The following TESPA1 variants were observed in gnomAD, a reference collection of about 807,000 sequenced individuals.
TESPA1 encodes the protein protein TESPA1.
TESPA1 carries 33 observed loss-of-function variants against 57.9 expected under a neutral mutation model. The ratio of observed to expected loss-of-function variants is 0.57; its 90% CI spans 0.43 to 0.76. The LOEUF (loss-of-function observed/expected upper bound fraction) is 0.76, where lower values mean the gene tolerates loss of function less well. TESPA1 is among the 30% of genes least tolerant of loss of function. TESPA1 has a pLI of 0.00. For missense variants in TESPA1, 618 were observed against 632.9 expected, an observed-to-expected ratio of 0.98 and a Z score of 0.25; for synonymous variants, 227 against 228.9, an observed-to-expected ratio of 0.99 and a Z score of 0.07.
chr12:54,962,679 C>G lies in TESPA1; in HGVS notation c.1219G>C (p.Ala407Pro), dbSNP rs1291170084. ...CTACACAGCTCTCTCCTTATCTGAG[C>G]TGGGTCTGTGCTCCACTGTGGATCT... is the stretch of plus-strand genomic sequence containing the variant. ...IEDPQWSTDP[A>P]QIRRELCSLP... The change falls in exon 9 of 11, where the codon GCT becomes CCT. Residue 407 changes from alanine to proline, a missense_variant. Coordinates refer to ENST00000449076, the MANE Select transcript of TESPA1 (RefSeq NM_001136030.3). The G allele has an allele frequency of 7.4e-6, 12 of 1,613,802 alleles. No individual in the cohort carries two copies. Among genetic ancestry groups the G allele is most frequent in the Admixed American group, 1.7e-5 (1 of 59,998 alleles).
At chr12:54,967,955 T>G (rs1282006218) in intron 3 of TESPA1, 63 bp from the exon 4 acceptor site, 1 of 1,608,952 alleles carries the variant, frequency 6.2e-7, no homozygotes, top group South Asian at 1.1e-5. Context: ...AGCTTTTTCA[T>G]GGAAAAACTC....
At position 54,961,173 on chromosome 12, in the gene TESPA1, G is replaced by C; in HGVS notation, c.1562C>G (p.Ser521Trp). 1.2e-6 allele frequency: 2 copies of C among 1,613,896 alleles called. No homozygotes were observed. The highest frequency in any genetic ancestry group is 1.1e-5 in the South Asian group (1 of 91,064). ...HHHQTFAGKD[S>W] ...CCTGAGAGAGGCCCACTTACTTCAC[G>C]AGTCTTTGCCAGCAAAAGTCTGGTG... is the stretch of plus-strand genomic sequence containing the variant. The change falls in exon 10 of 11, where the codon TCG becomes TGG. Residue 521 changes from serine to tryptophan, a missense_variant. This residue lies in a region of TESPA1 where 409 missense variants were observed against 420.1 expected (regional missense o/e 0.97). Coordinates refer to ENST00000449076, the MANE Select transcript of TESPA1 (RefSeq NM_001136030.3).
Position 54,948,585 on chromosome 12 carries a change from T to G in TESPA1, c.*1807A>C, listed in dbSNP as rs2264358. On this transcript the variant is annotated 3_prime_UTR_variant, in exon 11 of 11. Coordinates refer to ENST00000449076, the MANE Select transcript of TESPA1 (RefSeq NM_001136030.3). ...TCCTTTGTTCCTCCTGCTCATACCA[T>G]GTAAGATGCCTGCTCCCACTTTGCT... is the stretch of plus-strand genomic sequence containing the variant. The G allele has an allele frequency of 0.57, 87,353 of 152,242 alleles. 26,605 individuals are homozygous for G. The highest frequency in any genetic ancestry group is 0.67 in the Non-Finnish European group (45,528 of 68,110). 9.4% of individuals were successfully genotyped at this position (152,242 alleles called of 1,614,324 possible). A position where few individuals can be genotyped will look rare whatever the true frequency, so the allele number is the denominator to read the frequency against.
At chr12:54,974,941 T>C (rs1013547105) in intron 1 of TESPA1, among the ~76,000 whole-genome samples, 17 of 152,370 alleles carry the variant, frequency 1.1e-4, no homozygotes, top group Middle Eastern at 3.4e-3. Context: ...ATTTTTTCTT[T>C]AATCCTTAAG....
At chr12:54,974,678 C>T in intron 1 of TESPA1, 71 bp from the exon 2 acceptor site, 1 of 1,162,066 alleles carries the variant, frequency 8.6e-7, no homozygotes, top group Non-Finnish European at 1.1e-6. Flanking sequence ...AGGGTTGCCC[C>T]CTGAATTTTC....
chr12:54,984,665 G>C lies in TESPA1; in HGVS notation c.-126C>G, dbSNP rs542256795. On this transcript the variant is annotated 5_prime_UTR_variant, in exon 1 of 11. Coordinates refer to ENST00000449076, the MANE Select transcript of TESPA1 (RefSeq NM_001136030.3). ...AGGCCTTCACAGGTGTGGGCACAGA[G>C]GTGAAGCAAGTGAGAAAGTATCATG... 4 of 152,384 alleles carry C rather than the reference G, an allele frequency of 2.6e-5. No homozygotes were observed. In the East Asian group the frequency reaches 7.7e-4, roughly 29 times the overall value. 9.4% of individuals were successfully genotyped at this position (152,384 alleles called of 1,614,324 possible). A position where few individuals can be genotyped will look rare whatever the true frequency, so the allele number is the denominator to read the frequency against.
At chr12:54,961,338 A>T (rs1471167056) in intron 9 of TESPA1, 71 bp from the exon 10 acceptor site, 2 of 1,542,060 alleles carry the variant, frequency 1.3e-6, no homozygotes, top group African/African-American at 2.7e-5. Context: ...TGCAGGTGGC[A>T]GGTAGCTGTA....
intron 5 of TESPA1, among the ~76,000 whole-genome samples, chr12:54,966,645 T>C (rs1297402876): frequency 6.6e-6 from 1 of 152,162 alleles, no homozygotes; most frequent in African/African-American, 2.4e-5. Flanking sequence ...CTTAACCCTA[T>C]GAACTTCTGA....
chr12:54,969,767 A>AT (rs1212072076), intron 3 of TESPA1, among the ~76,000 whole-genome samples: 8 of 152,170 alleles, frequency 5.3e-5, no homozygotes, highest in Non-Finnish European at 1.0e-4. Context: ...AATCCCAAAC[A>AT]TATCTATGAT....
intron 2 of TESPA1, among the ~76,000 whole-genome samples, chr12:54,974,161 C>T (rs1952018432): frequency 6.6e-6 from 1 of 152,234 alleles, no homozygotes; most frequent in Admixed American, 6.5e-5. Flanking sequence ...ACAGAAGCTT[C>T]TCAGGATGAT....
intron 10 of TESPA1, among the ~76,000 whole-genome samples, chr12:54,957,808 AT>A (rs1487743569): frequency 6.6e-6 from 1 of 152,224 alleles, no homozygotes; most frequent in Non-Finnish European, 1.5e-5. Flanking sequence ...ATCATAAACC[AT>A]TTTTTGTAAG....
At chr12:54,961,417 G>A (rs1003599746) in intron 9 of TESPA1, 150 bp from the exon 10 acceptor site, 1 of 766,884 alleles carries the variant, frequency 1.3e-6, no homozygotes, top group South Asian at 1.7e-5. Context: ...TAATGAGGAA[G>A]GCAGGAGCGG....
chr12:54,969,046 T>TATATATATATATATATATATATAC lies in TESPA1; in HGVS notation c.207-1155_207-1154insGTATATATATATATATATATATAT, dbSNP rs71070858. Among the ~76,000 whole-genome samples, 467 of 124,172 alleles carry TATATATATATATATATATATATAC rather than the reference T, an allele frequency of 3.8e-3. 21 individuals are homozygous for TATATATATATATATATATATATAC. Among genetic ancestry groups the TATATATATATATATATATATATAC allele is most frequent in the East Asian group, 0.017 (37 of 2,166 alleles). 81.5% of individuals were successfully genotyped at this position (124,172 alleles called of 152,430 possible). Reference sequence around the variant, plus strand: ...GTATATATATATATATATATATATATGTGTGTGTGTAGATAGATAGATATA... The same window carrying TATATATATATATATATATATATAC: ...GTATATATATATATATATATATATATATATATATATATATATATATATACGTGTGTGTGTAGATAGATAGATATA... On this transcript the variant is annotated intron_variant, in intron 3 of 10. Transcript: ENST00000449076.
At position 54,962,588 on chromosome 12, in the gene TESPA1, C is replaced by G; in HGVS notation, c.1310G>C (p.Arg437Thr). 1 of 1,613,962 alleles carries G rather than the reference C, an allele frequency of 6.2e-7. No homozygotes were observed. The highest frequency in any genetic ancestry group is 8.5e-7 in the Non-Finnish European group (1 of 1,179,892). Residue 437 changes from arginine to threonine, a missense_variant, in exon 9 of 11, where the codon AGA becomes ACA. Coordinates refer to ENST00000449076, the MANE Select transcript of TESPA1 (RefSeq NM_001136030.3). ...KDETFWKRKS[R>T]ARKSLFQKNL... ...CTTCTGGAAGAGGCTCTTTCTTGCT[C>G]TGCTCTTTCTTTTCCAGAAAGTCTC...
intron 8 of TESPA1, among the ~76,000 whole-genome samples, 185 bp from the exon 9 acceptor site, chr12:54,963,427 T>A (rs537963021): frequency 6.6e-6 from 1 of 152,194 alleles, no homozygotes; most frequent in South Asian, 2.1e-4. Flanking sequence ...TGACACCCCA[T>A]CCCATGTAGA....
chr12:54,958,283 G>A (rs1385975218), intron 10 of TESPA1, among the ~76,000 whole-genome samples: 1 of 152,138 alleles, frequency 6.6e-6, no homozygotes, highest in African/African-American at 2.4e-5. Flanking sequence ...TAAGCAAAGT[G>A]TTGCATTTTA....
chr12:54,968,149 G>A (rs1462302153), intron 3 of TESPA1: 13 of 712,502 alleles, frequency 1.8e-5, no homozygotes, highest in South Asian at 1.7e-4. Context: ...ACTAAAGGAC[G>A]AAAGTCAACT....
chr12:54,972,868 A>C (rs1054684315), intron 3 of TESPA1, among the ~76,000 whole-genome samples: 2 of 152,236 alleles, frequency 1.3e-5, no homozygotes, highest in Non-Finnish European at 2.9e-5. Flanking sequence ...ATTACACAGA[A>C]GACTAAATAG....
chr12:54,962,403 G>T, intron 9 of TESPA1, 28 bp downstream of exon 9: 1 of 1,598,270 alleles, frequency 6.3e-7, no homozygotes, highest in African/African-American at 1.3e-5. Context: ...TTCTCTGCCA[G>T]TCTCTCCCTC....
Sources: gnomAD v4.1 joint callset for allele counts (sites outside exome capture counted in the v4.1 genomes callset) on GRCh38, gnomAD v4.1.1 for gene constraint, gnomAD v4.1.1 regional missense constraint, MANE v1.5 for transcripts, NCBI Gene and HGNC (gene_info 2026-07-23, HGNC 2026-07-21) for gene names.